Variants in TAB1 observed in about 807,000 individuals in gnomAD.
The protein encoded by TAB1 is TGF-beta activated kinase 1 (MAP3K7) binding protein 1.
In TAB1, 30 loss-of-function variants were observed where a neutral mutation model predicts 54.5. The observed-to-expected ratio is 0.55, with a 90% CI of 0.41 to 0.75. TAB1 has a LOEUF of 0.75. TAB1 is among the 30% of genes least tolerant of loss of function. The pLI, the probability that TAB1 is intolerant of heterozygous loss-of-function variation, is 0.00. For synonymous variants in TAB1, 289 were observed against 286.9 expected (o/e 1.01, Z -0.07); for missense variants, 609 against 683.2 (o/e 0.89, Z 1.21).
intron 4 of TAB1, among the ~76,000 whole-genome samples, chr22:39,417,450 C>G (rs1380600655): frequency 6.6e-6 from 1 of 152,158 alleles, no homozygotes; most frequent in Non-Finnish European, 1.5e-5. Context: ...GAAACCCCGT[C>G]TCTACTAAAA....
At chr22:39,429,868 T>G in intron 10 of TAB1, 147 bp from the exon 11 acceptor site, 1 of 1,479,174 alleles carries the variant, frequency 6.8e-7, no homozygotes, top group East Asian at 2.4e-5. Flanking sequence ...TAAGATCATC[T>G]GGCTGGGCCA....
downstream of TAB1, chr22:39,436,481 G>A: frequency 1.2e-6 from 2 of 1,611,720 alleles, no homozygotes; most frequent in Non-Finnish European, 1.7e-6. Context: ...GTTTCCTCCT[G>A]ATTTTCAGAG....
rs1926777387 is a variant in TAB1 at position 39,415,330 on chromosome 22, TC to T, written c.171-167del. On this transcript the variant is annotated intron_variant, in intron 2 of 10. Transcript: ENST00000216160. The surrounding 1 kb of genome is among the most constrained non-coding windows in gnomAD (Gnocchi z 4.9). The stretch of plus-strand genomic sequence containing the variant: ...TAGCGTGAGCATGGGGAGGAGGGTA[TC>T]CCAGAATGTCATAGCCAGAGTGAAA... Among the ~76,000 whole-genome samples, 1 of 152,102 alleles carries T rather than the reference TC, an allele frequency of 6.6e-6. No homozygotes were observed. The highest frequency in any genetic ancestry group is 1.5e-5 in the Non-Finnish European group (1 of 68,018).
chr22:39,405,445 C>T (rs1332434724), intron 1 of TAB1, among the ~76,000 whole-genome samples: 1 of 152,218 alleles, frequency 6.6e-6, no homozygotes, highest in African/African-American at 2.4e-5. Flanking sequence ...GTCCTGCGTT[C>T]GCTGTTGTGT....
downstream of TAB1, chr22:39,433,548 C>T (rs1833653860): frequency 1.3e-5 from 13 of 985,246 alleles, no homozygotes; most frequent in Non-Finnish European, 1.4e-5. Flanking sequence ...TGTCCCAGGA[C>T]GGGGGCAGGT....
At position 39,430,607 on chromosome 22, in the gene TAB1, T is replaced by G. The variant is rs1927547999; in HGVS notation, c.*385T>G. On this transcript the variant is annotated 3_prime_UTR_variant, in exon 11 of 11. Coordinates refer to ENST00000216160, the MANE Select transcript of TAB1 (RefSeq NM_006116.3). ...GTTGCAGGCCCAGCAGACCCTGCTGTCCCAAGCCCACCCCTCCTCCCACCA... is the reference window on the plus strand; with the variant it reads ...GTTGCAGGCCCAGCAGACCCTGCTGGCCCAAGCCCACCCCTCCTCCCACCA... 1 of 1,113,880 alleles carries G rather than the reference T, an allele frequency of 9.0e-7. No homozygotes were observed. The highest frequency in any genetic ancestry group is 1.1e-6 in the Non-Finnish European group (1 of 902,986). The allele number at this position is 1,113,880 out of a possible 1,614,324, so 69.0% of individuals were successfully genotyped here.
intron 5 of TAB1, 59 bp downstream of exon 5, chr22:39,417,908 G>T: frequency 6.5e-7 from 1 of 1,529,376 alleles, no homozygotes; most frequent in African/African-American, 1.4e-5. Flanking sequence ...CACAGGGGTC[G>T]GTGCATTATT....
rs1476027755 is a variant in TAB1, at chr22:39,415,791, C to T, written c.324+138C>T. ...CTTCACCCCAGTAGAGGAGCAGCTC[C>T]CAGCGTAGGCCCCCCCACCCAACAG... On this transcript the variant is annotated intron_variant, in intron 3 of 10. Coordinates refer to ENST00000216160, the MANE Select transcript of TAB1 (RefSeq NM_006116.3). This position sits in a 1 kb window ranked among gnomAD's most constrained non-coding sequence, Gnocchi z 4.9. 3.6e-6 allele frequency: 4 copies of T among 1,126,428 alleles called. No homozygotes were observed. The African/African-American group carries it at 6.2e-5, about 18-fold the overall frequency. The allele number at this position is 1,126,428 out of a possible 1,614,324, so 69.8% of individuals were successfully genotyped here.
rs1161401170 is a variant in TAB1 at position 39,430,189 on chromosome 22, C to G, written c.1482C>G (p.Asp494Glu). 1.2e-6 allele frequency: 2 copies of G among 1,613,398 alleles called. No individual in the cohort carries two copies. Among genetic ancestry groups the G allele is most frequent in the Non-Finnish European group, 1.7e-6 (2 of 1,180,040 alleles). ...AGTTTTACCGCCTCTGGAGCGTGGACCATGGCGAGCAGAGCGTGGTGACAG... is the reference window on the plus strand; with the variant it reads ...AGTTTTACCGCCTCTGGAGCGTGGAGCATGGCGAGCAGAGCGTGGTGACAG... ...FAEFYRLWSV[D>E]HGEQSVVTAP The change falls in exon 11 of 11, where the codon GAC becomes GAG. Residue 494 changes from aspartate (D) to glutamate (E), a missense_variant. By Grantham distance (45) the Asp-to-Glu change is conservative. Coordinates refer to ENST00000216160, the MANE Select transcript of TAB1 (RefSeq NM_006116.3).
At chr22:39,428,841 G>C (rs904687035) in intron 10 of TAB1, among the ~76,000 whole-genome samples, 4 of 152,262 alleles carry the variant, frequency 2.6e-5, no homozygotes, top group Non-Finnish European at 5.9e-5. Context: ...AGGCCCTGGA[G>C]GGGGGTGGGC....
intron 1 of TAB1, among the ~76,000 whole-genome samples, chr22:39,414,541 C>G (rs572177076): frequency 1.1e-4 from 16 of 151,872 alleles, no homozygotes; most frequent in African/African-American, 3.4e-4. Context: ...GAGCGGCCTG[C>G]ACTGCAGATG....
chr22:39,425,752 TAGCC>T, intron 8 of TAB1, among the ~76,000 whole-genome samples: 1 of 151,810 alleles, frequency 6.6e-6, no homozygotes, highest in Non-Finnish European at 1.5e-5. Context: ...TTCACCGTAT[TAGCC>T]AGGATGGTCT....
chr22:39,419,559 T>G lies in TAB1; in HGVS notation c.705T>G (p.Cys235Trp), dbSNP rs188122196. ...AGATCAAGCAGGTGGGGATCATCTG[T>G]GGGCAGGAGAGCACCCGGCGGATCG... is the stretch of plus-strand genomic sequence containing the variant. ...AGKIKQVGII[C>W]GQESTRRIGD... Residue 235 changes from cysteine (C) to tryptophan (W), a missense_variant, in exon 7 of 11, where the codon TGT becomes TGG. Coordinates refer to ENST00000216160, the MANE Select transcript of TAB1 (RefSeq NM_006116.3). 2.4e-4 allele frequency: 385 copies of G among 1,613,094 alleles called. 3 individuals carry two copies. The East Asian group carries it at 5.6e-3, about 23-fold the overall frequency.
At chr22:39,417,945 C>T (rs577660080) in intron 5 of TAB1, 96 bp downstream of exon 5, 11 of 1,467,066 alleles carry the variant, frequency 7.5e-6, no homozygotes, top group East Asian at 2.5e-5. Flanking sequence ...AGACACTTCA[C>T]GCACTTTAAA....
intron 7 of TAB1, among the ~76,000 whole-genome samples, chr22:39,420,820 TG>T: frequency 7.1e-6 from 1 of 140,396 alleles, no homozygotes; most frequent in Non-Finnish European, 1.6e-5. Context: ...TGTGTGTGTT[TG>T]TCCTGGGGGC....
At chr22:39,402,268 C>T (rs901049705) in intron 1 of TAB1, among the ~76,000 whole-genome samples, 1 of 152,096 alleles carries the variant, frequency 6.6e-6, no homozygotes, top group African/African-American at 2.4e-5. Context: ...CTCCTGCCTT[C>T]GCCTCCCAAA....
intron 1 of TAB1, among the ~76,000 whole-genome samples, chr22:39,410,854 A>C (rs994856726): frequency 1.2e-4 from 18 of 152,250 alleles, no homozygotes; most frequent in Admixed American, 1.2e-3. Flanking sequence ...GCTGATTCTA[A>C]AATTTATATG....
intron 8 of TAB1, among the ~76,000 whole-genome samples, chr22:39,422,400 CTTTTTTTTTTTTT>C (rs965591327): frequency 2.3e-5 from 2 of 88,522 alleles, no homozygotes; most frequent in Admixed American, 2.4e-4. Context: ...CTTCTCATTT[CTTTTTTTTTTTTT>C]TTTTTTTTTT....
chr22:39,421,410 C>A (rs1175371326), intron 7 of TAB1, among the ~76,000 whole-genome samples: 98 of 152,268 alleles, frequency 6.4e-4, no homozygotes, highest in Non-Finnish European at 2.2e-4. Context: ...CTAAAGGATC[C>A]CTGTACACAT....
Sources: gnomAD v4.1 joint callset for allele counts (sites outside exome capture counted in the v4.1 genomes callset) on GRCh38, gnomAD v4.1.1 for gene constraint, Gnocchi (gnomAD v3.1) non-coding constraint, MANE v1.5 for transcripts, NCBI Gene and HGNC (gene_info 2026-07-23, HGNC 2026-07-21) for gene names.